The following METTL25 variants were observed in gnomAD, a reference collection of about 807,000 sequenced individuals.
METTL25 encodes probable methyltransferase-like protein 25.
A neutral mutation model predicts 71.6 loss-of-function variants in METTL25; 64 were observed. The observed-to-expected ratio is 0.89, with a 90% confidence interval of 0.73 to 1.10. The LOEUF (loss-of-function observed/expected upper bound fraction) is 1.10. METTL25 is among the 50% of genes least tolerant of loss of function. The pLI is 0.00. For synonymous variants in METTL25, 287 were observed against 250.3 expected (o/e 1.15, Z -1.38); for missense variants, 807 against 707.0 (o/e 1.14, Z -1.60).
At chr12:82,444,779 G>T (rs923074259) in intron 8 of METTL25, among the ~76,000 whole-genome samples, 9 of 151,790 alleles carry the variant, frequency 5.9e-5, no homozygotes, top group Admixed American at 5.9e-4. Context: ...GTAGCTAAAT[G>T]GATCAAAAAA....
At chr12:82,438,825 GTTATA>G in intron 8 of METTL25, 34 bp downstream of exon 8, 1 of 1,476,734 alleles carries the variant, frequency 6.8e-7, no homozygotes, top group African/African-American at 1.4e-5. Flanking sequence ...GAATAACTAT[GTTATA>G]TTGTAAGTAA....
intron 3 of METTL25, among the ~76,000 whole-genome samples, chr12:82,398,252 T>TA (rs1369021898): frequency 6.6e-6 from 1 of 151,006 alleles, no homozygotes; most frequent in Non-Finnish European, 1.5e-5. Flanking sequence ...TTTTTATTTT[T>TA]CTTTTTTTTT....
chr12:82,429,590 A>G (rs778557717), intron 5 of METTL25, among the ~76,000 whole-genome samples: 1 of 151,560 alleles, frequency 6.6e-6, no homozygotes, highest in Non-Finnish European at 1.5e-5. Flanking sequence ...TCTGGATTGT[A>G]TGTATGGTAG....
intron 1 of METTL25, among the ~76,000 whole-genome samples, chr12:82,361,583 C>G (rs190502047): frequency 6.6e-6 from 1 of 152,144 alleles, no homozygotes; most frequent in Non-Finnish European, 1.5e-5. Flanking sequence ...AGCTGAGGCC[C>G]GGTGAGAATT....
At chr12:82,361,513 G>C (rs111387079) in intron 1 of METTL25, among the ~76,000 whole-genome samples, 3 of 152,158 alleles carry the variant, frequency 2.0e-5, no homozygotes, top group Non-Finnish European at 2.9e-5. Context: ...CCCACGGTGG[G>C]GGGGAGGGGG....
At chr12:82,402,434 C>T (rs915457546) in intron 4 of METTL25, among the ~76,000 whole-genome samples, 1 of 151,846 alleles carries the variant, frequency 6.6e-6, no homozygotes, top group Non-Finnish European at 1.5e-5. Context: ...TTTGATTAGT[C>T]CAATTTTTGC....
intron 4 of METTL25, among the ~76,000 whole-genome samples, chr12:82,401,999 C>T (rs1415252912): frequency 1.3e-5 from 2 of 151,768 alleles, no homozygotes; most frequent in Non-Finnish European, 2.9e-5. Flanking sequence ...TTTTATGAGT[C>T]ATGTCAAAGA....
chr12:82,365,974 C>T (rs151148567), intron 1 of METTL25, among the ~76,000 whole-genome samples: 251 of 151,904 alleles, frequency 1.7e-3, no homozygotes, highest in African/African-American at 5.7e-3. Flanking sequence ...CCCAGCTACT[C>T]GGGAGGTTGA....
intron 5 of METTL25, among the ~76,000 whole-genome samples, chr12:82,411,309 T>C (rs1407594176): frequency 6.6e-6 from 1 of 151,892 alleles, no homozygotes; most frequent in African/African-American, 2.4e-5. Context: ...GCATTTAAGA[T>C]TGTTTAAAGG....
chr12:82,442,979 A>C (rs1235512501), intron 8 of METTL25, among the ~76,000 whole-genome samples: 1 of 151,936 alleles, frequency 6.6e-6, no homozygotes, highest in Admixed American at 6.6e-5. Context: ...GAAAGATCAG[A>C]AGAAAATATC....
At chr12:82,474,641 G>A (rs564467955) in intron 9 of METTL25, 1 of 152,100 alleles carries the variant, frequency 6.6e-6, no homozygotes, top group Non-Finnish European at 1.5e-5. Flanking sequence ...ACACAGGTTT[G>A]CATATGGTTT....
At chr12:82,456,663 G>T in intron 8 of METTL25, 64 bp from the exon 9 acceptor site, 1 of 842,038 alleles carries the variant, frequency 1.2e-6, no homozygotes, top group Non-Finnish European at 1.8e-6. Context: ...TTTCATGATT[G>T]AAATTAAAAC....
intron 1 of METTL25, among the ~76,000 whole-genome samples, chr12:82,380,289 A>G (rs1309966758): frequency 2.0e-5 from 3 of 152,178 alleles, no homozygotes; most frequent in Non-Finnish European, 1.5e-5. Flanking sequence ...TATCCCTGCA[A>G]AGGATATGAT....
At chr12:82,420,409 G>C (rs971369994) in intron 5 of METTL25, among the ~76,000 whole-genome samples, 4 of 152,018 alleles carry the variant, frequency 2.6e-5, no homozygotes, top group African/African-American at 9.7e-5. Flanking sequence ...ATAAGTTTTT[G>C]GCATTGCTAA....
chr12:82,391,830 C>A (rs1035763571), intron 3 of METTL25, among the ~76,000 whole-genome samples: 6 of 150,052 alleles, frequency 4.0e-5, no homozygotes, highest in Non-Finnish European at 8.9e-5. Flanking sequence ...TCCATAATGG[C>A]TGTCTAATTT....
chr12:82,437,651 A>G (rs762385192), intron 7 of METTL25, among the ~76,000 whole-genome samples: 1 of 151,722 alleles, frequency 6.6e-6, no homozygotes, highest in Non-Finnish European at 1.5e-5. Flanking sequence ...AGTTGAAAAC[A>G]TGTGAAAATA....
chr12:82,458,958 AGACTGAGACATAATTATAG>A (rs1256481519), intron 9 of METTL25, among the ~76,000 whole-genome samples: 1 of 152,206 alleles, frequency 6.6e-6, no homozygotes, highest in Non-Finnish European at 1.5e-5. Context: ...GCTCACTAAA[AGACTGAGACATAATTATAG>A]GACTACAAAC....
chr12:82,419,721 T>G (rs1888308464), intron 5 of METTL25, among the ~76,000 whole-genome samples: 1 of 111,256 alleles, frequency 9.0e-6, no homozygotes, highest in African/African-American at 3.2e-5. Context: ...GGACAACAAA[T>G]CTTGACAAGG....
intron 6 of METTL25, among the ~76,000 whole-genome samples, chr12:82,434,353 G>T (rs1005233819): frequency 2.6e-5 from 4 of 151,322 alleles, no homozygotes; most frequent in African/African-American, 9.7e-5. Context: ...GGATTTATTT[G>T]ATTGTTTTAG....
Sources: allele counts gnomAD v4.1 joint callset (sites outside exome capture counted in the v4.1 genomes callset), GRCh38; gene constraint gnomAD v4.1.1; transcripts MANE v1.5; gene names NCBI Gene and HGNC (gene_info 2026-07-23, HGNC 2026-07-21).